ZNF266: variants seen among roughly 807,000 people sequenced by gnomAD.
ZNF266 encodes zinc finger protein 1.
In ZNF266, 16 loss-of-function variants were observed where a neutral mutation model predicts 16.4. The observed-to-expected ratio is 0.98, with a 90% confidence interval of 0.66 to 1.48. The LOEUF (loss-of-function observed/expected upper bound fraction) is 1.48. Among genes scored for constraint, ZNF266 ranks in the 40% most tolerant of loss-of-function variants. The pLI is 0.00. For missense variants in ZNF266, 738 were observed against 689.1 expected, an observed-to-expected ratio of 1.07 and a Z score of -0.79; for synonymous variants, 262 against 237.9, an observed-to-expected ratio of 1.10 and a Z score of -0.93.
Position 9,413,300 on chromosome 19 carries a change from T to C in ZNF266, c.1826A>G (p.His609Arg). ...SSSFRNHERRHADERLSA is the reference protein window; with the variant it reads ...SSSFRNHERRRADERLSA ...TTATGCTGACAGTCTCTCATCCGCATGCCTTCTTTCATGATTTCGAAAGGA... is the reference window on the plus strand; with the variant it reads ...TTATGCTGACAGTCTCTCATCCGCACGCCTTCTTTCATGATTTCGAAAGGA... The change falls in exon 11 of 11, where the codon CAT (histidine) becomes CGT (arginine). Residue 609 changes from histidine (H) to arginine (R), a missense_variant. Coordinates refer to ENST00000592904, the MANE Select transcript of ZNF266 (RefSeq NM_001370374.1). 6.3e-7 allele frequency: 1 copy of C among 1,599,638 alleles called. No homozygotes were observed. The highest frequency in any genetic ancestry group is 8.5e-7 in the Non-Finnish European group (1 of 1,172,138).
intron 5 of ZNF266, among the ~76,000 whole-genome samples, chr19:9,426,990 T>C (rs919661042): frequency 6.6e-6 from 1 of 152,224 alleles, no homozygotes; most frequent in African/African-American, 2.4e-5. Flanking sequence ...ACAAATTGGC[T>C]TGATAAAATG....
chr19:9,413,124 T>A lies in ZNF266; in HGVS notation c.*151A>T. On this transcript the variant is annotated 3_prime_UTR_variant, in exon 11 of 11. Coordinates refer to ENST00000592904, the MANE Select transcript of ZNF266 (RefSeq NM_001370374.1). Reference sequence around the variant, plus strand: ...GCAAAGTCATTTCCACATTCCCTGATGCAGGGTCTTCTCCACTGTGAATTC... The same window carrying A: ...GCAAAGTCATTTCCACATTCCCTGAAGCAGGGTCTTCTCCACTGTGAATTC... 1.1e-6 allele frequency: 1 copy of A among 921,006 alleles called. No homozygotes were observed. The highest frequency in any genetic ancestry group is 1.6e-6 in the Non-Finnish European group (1 of 632,590). The allele number at this position is 921,006 out of a possible 1,614,324, so 57.1% of individuals were successfully genotyped here. A position where few individuals can be genotyped will look rare whatever the true frequency, so the allele number is the denominator to read the frequency against.
intron 5 of ZNF266, among the ~76,000 whole-genome samples, chr19:9,424,127 C>A (rs1425533237): frequency 6.6e-6 from 1 of 151,606 alleles, no homozygotes; most frequent in Non-Finnish European, 1.5e-5. Context: ...AGGAAAATGC[C>A]CCCCCCAGGG....
chr19:9,425,049 T>C (rs1471909469), intron 5 of ZNF266, among the ~76,000 whole-genome samples: 1 of 152,026 alleles, frequency 6.6e-6, no homozygotes, highest in Non-Finnish European at 1.5e-5. Context: ...GTGTAGCTGT[T>C]TGTTATACAG....
rs774964800 is a variant in ZNF266 at position 9,413,702 on chromosome 19, A to G, written c.1424T>C (p.Phe475Ser). Residue 475 changes from phenylalanine (F) to serine (S), a missense_variant, in exon 11 of 11, where the codon TTT becomes TCT. By Grantham distance (155) the Phe-to-Ser change is radical. Coordinates refer to ENST00000592904, the MANE Select transcript of ZNF266 (RefSeq NM_001370374.1). ...HTRTHTGEKP[F>S]ECVKCGKAFA... ...GGCTTTCCCACATTTGACACATTCA[A>G]AAGGCTTCTCTCCAGTGTGAGTTCT... 1.2e-5 allele frequency: 20 copies of G among 1,613,226 alleles called. No individual in the cohort carries two copies. The African/African-American group carries it at 2.5e-4, about 21-fold the overall frequency.
intron 8 of ZNF266, among the ~76,000 whole-genome samples, 190 bp from the exon 9 acceptor site, chr19:9,418,098 G>A (rs1171837232): frequency 6.6e-6 from 1 of 152,204 alleles, no homozygotes; most frequent in African/African-American, 2.4e-5. Context: ...AATCCAGGCT[G>A]ATGTACACAC....
intron 8 of ZNF266, 66 bp downstream of exon 8, chr19:9,418,439 G>A: frequency 6.5e-7 from 1 of 1,535,018 alleles, no homozygotes; most frequent in Non-Finnish European, 9.0e-7. Flanking sequence ...TCTCTGATGT[G>A]CAATACAGTA....
Position 9,421,806 on chromosome 19 carries a change from T to C in ZNF266, c.-129-1588A>G, listed in dbSNP as rs147168762. 3.4e-3 allele frequency among the ~76,000 whole-genome samples: 524 copies of C among 152,314 alleles called. 6 individuals are homozygous for C. The highest frequency in any genetic ancestry group is 4.0e-3 in the Non-Finnish European group (275 of 68,030). ...TCTTGTAACAACATTACTGGGTAGA[T>C]AGATACACACATTGAACTTTCCTAT... On this transcript the variant is annotated intron_variant, in intron 5 of 10. Transcript: ENST00000592904.
In ZNF266 at chr19:9,413,140, C is replaced by G. The variant is rs1461970150; in HGVS notation, c.*135G>C. On this transcript the variant is annotated 3_prime_UTR_variant, in exon 11 of 11. Coordinates refer to ENST00000592904, the MANE Select transcript of ZNF266 (RefSeq NM_001370374.1). The stretch of plus-strand genomic sequence containing the variant: ...ATTCCCTGATGCAGGGTCTTCTCCA[C>G]TGTGAATTCATATGTGTTCATTAAG... The G allele has an allele frequency of 8.9e-7, 1 of 1,118,874 alleles. No individual in the cohort carries two copies. Among genetic ancestry groups the G allele is most frequent in the Admixed American group, 2.7e-5 (1 of 37,152 alleles). 69.3% of individuals were successfully genotyped at this position (1,118,874 alleles called of 1,614,324 possible). A position where few individuals can be genotyped will look rare whatever the true frequency, so the allele number is the denominator to read the frequency against.
At chr19:9,417,461 G>T (rs1599451706) in intron 9 of ZNF266, among the ~76,000 whole-genome samples, 1 of 152,280 alleles carries the variant, frequency 6.6e-6, no homozygotes, top group East Asian at 1.9e-4. Flanking sequence ...AAGCGTGGTG[G>T]CTCACGCCTG....
chr19:9,416,662 C>CTT (rs2069058036), intron 9 of ZNF266, among the ~76,000 whole-genome samples: 1 of 111,232 alleles, frequency 9.0e-6, no homozygotes, highest in African/African-American at 3.7e-5. Context: ...CCGTGCCAGG[C>CTT]CTTTTTTTTT....
chr19:9,418,633 T>A lies in ZNF266; in HGVS notation c.109-2A>T. 7.4e-7 allele frequency: 1 copy of A among 1,360,074 alleles called. No homozygotes were observed. The highest frequency in any genetic ancestry group is 1.1e-6 in the Non-Finnish European group (1 of 949,110). The allele number at this position is 1,360,074 out of a possible 1,614,324, so 84.3% of individuals were successfully genotyped here. ...CAGATCATCAAAAGTCACTGAATCC[T>A]AAACCATCACACACATGCTGGCTTG... On this transcript the variant is annotated splice_acceptor_variant, in intron 7 of 10. Coordinates refer to ENST00000592904, the MANE Select transcript of ZNF266 (RefSeq NM_001370374.1). LOFTEE classifies it high-confidence loss of function.
chr19:9,420,179 G>C lies in ZNF266; in HGVS notation c.-90C>G, dbSNP rs1372111110. On this transcript the variant is annotated 5_prime_UTR_variant, in exon 6 of 11. Transcript: ENST00000592904. ...GACAGCTTAGGAATCTACACGGACAGAGGTAACCTCCATTCTCTTTATCCA... is the reference window on the plus strand; with the variant it reads ...GACAGCTTAGGAATCTACACGGACACAGGTAACCTCCATTCTCTTTATCCA... 1 of 152,608 alleles carries C rather than the reference G, an allele frequency of 6.6e-6. No individual in the cohort carries two copies. Among genetic ancestry groups the C allele is most frequent in the African/African-American group, 2.4e-5 (1 of 41,474 alleles). The allele number at this position is 152,608 out of a possible 1,614,324, so 9.5% of individuals were successfully genotyped here.
chr19:9,426,958 T>C (rs987495976), intron 5 of ZNF266, among the ~76,000 whole-genome samples: 1 of 152,196 alleles, frequency 6.6e-6, no homozygotes, highest in Non-Finnish European at 1.5e-5. Flanking sequence ...CAAATTAAAA[T>C]TAAAGTGAGA....
chr19:9,429,732 T>A (rs1318897643), intron 5 of ZNF266, among the ~76,000 whole-genome samples: 2 of 152,220 alleles, frequency 1.3e-5, no homozygotes, highest in Non-Finnish European at 2.9e-5. Context: ...CCTGGTAGCG[T>A]ACTTGCATTC....
rs1271114894 is a variant in ZNF266, at chr19:9,413,208, GT to G, written c.*66del. 8 of 1,517,184 alleles carry G rather than the reference GT, an allele frequency of 5.3e-6. No individual in the cohort carries two copies. The highest frequency in any genetic ancestry group is 7.0e-6 in the Non-Finnish European group (8 of 1,135,056). The allele number at this position is 1,517,184 out of a possible 1,614,324, so 94.0% of individuals were successfully genotyped here. On this transcript the variant is annotated 3_prime_UTR_variant, in exon 11 of 11. Coordinates refer to ENST00000592904, the MANE Select transcript of ZNF266 (RefSeq NM_001370374.1). ...GCTTCCACATTTTTACATTCATAGGGTTTCTCCCCAGTGAGTTTTCATGTCT... is the reference window on the plus strand; with the variant it reads ...GCTTCCACATTTTTACATTCATAGGGTTCTCCCCAGTGAGTTTTCATGTCT...
intron 5 of ZNF266, among the ~76,000 whole-genome samples, chr19:9,425,542 A>G (rs2123251814): frequency 6.6e-6 from 1 of 152,274 alleles, no homozygotes; most frequent in South Asian, 2.1e-4. Flanking sequence ...TGTGGTCACA[A>G]CCTGAGGGAC....
intron 6 of ZNF266, 165 bp downstream of exon 6, chr19:9,419,900 C>CAA (rs1218476753): frequency 4.7e-4 from 35 of 75,134 alleles, no homozygotes; most frequent in East Asian, 8.1e-4. Context: ...GACTCTGTCT[C>CAA]AAAAAAAAAA....
intron 5 of ZNF266, among the ~76,000 whole-genome samples, chr19:9,432,141 T>TA (rs1263333669): frequency 6.6e-6 from 1 of 151,638 alleles, no homozygotes; most frequent in East Asian, 1.9e-4. Flanking sequence ...TTTTTTTTAA[T>TA]AGAGTCAGGG....
Sources: gnomAD v4.1 joint callset for allele counts (sites outside exome capture counted in the v4.1 genomes callset) on GRCh38, gnomAD v4.1.1 for gene constraint, MANE v1.5 for transcripts, NCBI Gene and HGNC (gene_info 2026-07-23, HGNC 2026-07-21) for gene names.